The following KCNJ6 variants were observed in gnomAD, a reference collection of about 807,000 sequenced individuals.
KCNJ6 encodes G protein-activated inward rectifier potassium channel 2.
Under a neutral mutation model 34.2 loss-of-function variants are expected in KCNJ6, and 9 were observed. That is an observed-to-expected ratio of 0.26 (90% CI 0.16 to 0.46). The LOEUF (loss-of-function observed/expected upper bound fraction) is 0.46. KCNJ6 is among the 20% of genes least tolerant of loss of function. The pLI is 1.00. For synonymous variants in KCNJ6, 196 were observed against 207.1 expected (o/e 0.95, Z 0.46); for missense variants, 236 against 531.3 (o/e 0.44, Z 5.46).
intron 3 of KCNJ6, among the ~76,000 whole-genome samples, chr21:37,704,208 C>A (rs1435277307): frequency 4.9e-5 from 7 of 143,210 alleles, no homozygotes; most frequent in Non-Finnish European, 1.1e-4. Flanking sequence ...CTTGACCCAT[C>A]CGTGTCGGAC....
rs111541509 is a variant in KCNJ6 at position 37,766,572 on chromosome 21, T to C, written c.26-51441A>G. Among the ~76,000 whole-genome samples, 317 of 152,254 alleles carry C rather than the reference T, an allele frequency of 2.1e-3. 3 individuals are homozygous for C. Among genetic ancestry groups the C allele is most frequent in the African/African-American group, 7.1e-3 (295 of 41,550 alleles). On this transcript the variant is annotated intron_variant, in intron 2 of 3. Transcript: ENST00000609713. ...AAATCCCCCGAGGGTTCTAAGTCAGTATGGGACACTCTGATGGGACCCCGG... is the reference window on the plus strand; with the variant it reads ...AAATCCCCCGAGGGTTCTAAGTCAGCATGGGACACTCTGATGGGACCCCGG...
intron 3 of KCNJ6, among the ~76,000 whole-genome samples, chr21:37,680,385 C>G (rs933675348): frequency 1.3e-5 from 2 of 152,108 alleles, no homozygotes; most frequent in Non-Finnish European, 2.9e-5. Flanking sequence ...AACAGTTGAC[C>G]AACGAACTCT....
chr21:37,846,605 A>G (rs989755358), intron 1 of KCNJ6, among the ~76,000 whole-genome samples: 13 of 152,012 alleles, frequency 8.6e-5, no homozygotes, highest in Admixed American at 2.0e-4. Flanking sequence ...ATGAGGGGGA[A>G]ACTCATCATG....
chr21:37,891,157 G>C (rs570712558), intron 1 of KCNJ6, among the ~76,000 whole-genome samples: 9 of 152,272 alleles, frequency 5.9e-5, no homozygotes, highest in East Asian at 1.9e-4. Context: ...TGCTTTCATA[G>C]GATACTTTCA....
At chr21:37,687,373 C>T (rs1405671788) in intron 3 of KCNJ6, among the ~76,000 whole-genome samples, 4 of 152,060 alleles carry the variant, frequency 2.6e-5, no homozygotes, top group Non-Finnish European at 5.9e-5. Context: ...CTGTGGCAGC[C>T]GCTTCCCTTT....
At chr21:37,715,365 C>T (rs572186116) in intron 2 of KCNJ6, among the ~76,000 whole-genome samples, 4 of 152,226 alleles carry the variant, frequency 2.6e-5, no homozygotes, top group African/African-American at 4.8e-5. Flanking sequence ...CCCACCAGGA[C>T]GGAGCTTATT....
chr21:37,851,074 G>A (rs754175677), intron 1 of KCNJ6, among the ~76,000 whole-genome samples: 2 of 152,144 alleles, frequency 1.3e-5, no homozygotes, highest in Non-Finnish European at 2.9e-5. Flanking sequence ...AGCCTAAACT[G>A]CCTAATACTG....
intron 2 of KCNJ6, among the ~76,000 whole-genome samples, chr21:37,741,610 C>T (rs2054941628): frequency 6.6e-6 from 1 of 152,192 alleles, no homozygotes; most frequent in Non-Finnish European, 1.5e-5. Flanking sequence ...CATGCCTCCA[C>T]AGAGTTCCTT....
rs115841255 is a variant in KCNJ6 at position 37,833,965 on chromosome 21, C to A, written c.25+6693G>T. Among the ~76,000 whole-genome samples the A allele has an allele frequency of 2.9e-3, 447 of 152,288 alleles. 2 individuals carry two copies. Among genetic ancestry groups the A allele is most frequent in the African/African-American group, 0.01 (431 of 41,554 alleles). ...GCCCTGGGGTGTCTCGAAAGCTTCG[C>A]CAAGCCTCTCTCCTAAGCTCAAAGT... is the stretch of plus-strand genomic sequence containing the variant. On this transcript the variant is annotated intron_variant, in intron 2 of 3. Transcript: ENST00000609713.
intron 2 of KCNJ6, among the ~76,000 whole-genome samples, chr21:37,784,889 C>G (rs1371355960): frequency 6.6e-6 from 1 of 152,164 alleles, no homozygotes; most frequent in African/African-American, 2.4e-5. Context: ...TATTTTCCTC[C>G]AGAATCTGTT....
chr21:37,815,056 T>C (rs1169908243), intron 2 of KCNJ6, among the ~76,000 whole-genome samples: 1 of 152,106 alleles, frequency 6.6e-6, no homozygotes, highest in Non-Finnish European at 1.5e-5. Flanking sequence ...TTTTGGGATC[T>C]TAACATCAAA....
chr21:37,683,867 G>C (rs2054601203), intron 3 of KCNJ6, among the ~76,000 whole-genome samples: 1 of 152,162 alleles, frequency 6.6e-6, no homozygotes, highest in African/African-American at 2.4e-5. Flanking sequence ...GGGTGAGCTG[G>C]CTTCTCGTCA....
intron 2 of KCNJ6, among the ~76,000 whole-genome samples, chr21:37,759,491 C>T (rs992407259): frequency 6.6e-5 from 10 of 152,156 alleles, no homozygotes; most frequent in South Asian, 2.1e-4. Flanking sequence ...CTCACAACCC[C>T]GCAGGGTCTT....
At chr21:37,785,755 A>G (rs771201219) in intron 2 of KCNJ6, among the ~76,000 whole-genome samples, 14 of 152,222 alleles carry the variant, frequency 9.2e-5, no homozygotes, top group South Asian at 4.1e-4. Flanking sequence ...CCTTCCCCCA[A>G]TTCGCACATT....
intron 1 of KCNJ6, among the ~76,000 whole-genome samples, chr21:37,850,471 C>T (rs1372316152): frequency 6.6e-6 from 1 of 151,974 alleles, no homozygotes; most frequent in Non-Finnish European, 1.5e-5. Context: ...TTGAACTGCC[C>T]ATGTGAGGGA....
At chr21:37,801,313 G>C (rs1256647121) in intron 2 of KCNJ6, among the ~76,000 whole-genome samples, 1 of 152,074 alleles carries the variant, frequency 6.6e-6, no homozygotes. Context: ...GGAGCCACTG[G>C]GGCTTCTGCA....
At chr21:37,751,729 C>T (rs1280005047) in intron 2 of KCNJ6, among the ~76,000 whole-genome samples, 1 of 152,148 alleles carries the variant, frequency 6.6e-6, no homozygotes, top group African/African-American at 2.4e-5. Flanking sequence ...GCTTTCACAA[C>T]ATTCCCACAC....
intron 2 of KCNJ6, among the ~76,000 whole-genome samples, chr21:37,830,808 C>T (rs1421377011): frequency 4.6e-5 from 7 of 152,194 alleles, no homozygotes; most frequent in African/African-American, 4.8e-5. Context: ...AGGAATGTCA[C>T]GCGTGATGGT....
chr21:37,672,017 C>T (rs1163047069), intron 3 of KCNJ6, among the ~76,000 whole-genome samples: 1 of 152,058 alleles, frequency 6.6e-6, no homozygotes, highest in Non-Finnish European at 1.5e-5. Flanking sequence ...ACTAGTTTTA[C>T]TTCTTTCCAA....
Sources: allele counts gnomAD v4.1 joint callset (sites outside exome capture counted in the v4.1 genomes callset), GRCh38; gene constraint gnomAD v4.1.1; transcripts MANE v1.5; gene names NCBI Gene and HGNC (gene_info 2026-07-23, HGNC 2026-07-21).